Variants in ZFYVE9 observed in about 807,000 individuals in gnomAD.
ZFYVE9 encodes zinc finger FYVE-type containing 9.
A neutral mutation model predicts 126.7 loss-of-function variants in ZFYVE9; 43 were observed. That is an observed-to-expected ratio of 0.34 (90% CI 0.27 to 0.44). ZFYVE9 has a LOEUF of 0.44. Among genes scored for constraint, ZFYVE9 ranks in the 20% least tolerant of loss-of-function variants. ZFYVE9 has a pLI of 1.00. For missense variants in ZFYVE9, 1,476 were observed against 1,697.0 expected (o/e 0.87, Z 2.29); for synonymous variants, 521 against 597.4 (o/e 0.87, Z 1.87).
rs538171138 is a variant in ZFYVE9, at chr1:52,172,590, G to A, written c.-143+30187G>A. On this transcript the variant is annotated intron_variant, in intron 1 of 18. Transcript: ENST00000287727. ...GCATTGAATCTATAAATTACCTTGG[G>A]CAGTATGGCCATTTTCACGGTATTG... Among the ~76,000 whole-genome samples, 10 of 152,266 alleles carry A rather than the reference G, an allele frequency of 6.6e-5. No individual in the cohort carries two copies. The East Asian group carries it at 1.7e-3, about 26-fold the overall frequency.
At chr1:52,300,612 T>C (rs1557508763) in intron 12 of ZFYVE9, among the ~76,000 whole-genome samples, 1 of 149,140 alleles carries the variant, frequency 6.7e-6, no homozygotes, top group Non-Finnish European at 1.5e-5. Flanking sequence ...AAAAAAAATC[T>C]TGTAGATTTA....
chr1:52,309,985 A>G (rs1646123134), intron 13 of ZFYVE9, among the ~76,000 whole-genome samples: 1 of 152,004 alleles, frequency 6.6e-6, no homozygotes, highest in Admixed American at 6.5e-5. Flanking sequence ...TTTTTTTGAG[A>G]CAGAGTCTTG....
At chr1:52,193,494 G>A (rs1426029104) in intron 1 of ZFYVE9, among the ~76,000 whole-genome samples, 2 of 151,052 alleles carry the variant, frequency 1.3e-5, no homozygotes, top group African/African-American at 2.4e-5. Flanking sequence ...ATCACCTGAG[G>A]TCAGGAGATC....
intron 2 of ZFYVE9, among the ~76,000 whole-genome samples, chr1:52,230,462 A>C (rs913257770): frequency 1.3e-5 from 2 of 151,784 alleles, no homozygotes; most frequent in African/African-American, 4.8e-5. Flanking sequence ...TAGGTGCAGC[A>C]GACCACCACA....
chr1:52,148,453 A>T (rs1346089707), intron 1 of ZFYVE9, among the ~76,000 whole-genome samples: 2 of 151,232 alleles, frequency 1.3e-5, no homozygotes, highest in African/African-American at 4.9e-5. Flanking sequence ...GCACCATTGC[A>T]CTCCAGCCTG....
At chr1:52,152,762 A>G (rs1371276942) in intron 1 of ZFYVE9, among the ~76,000 whole-genome samples, 1 of 152,212 alleles carries the variant, frequency 6.6e-6, no homozygotes, top group Non-Finnish European at 1.5e-5. Flanking sequence ...GTAAAATGGG[A>G]CTAACAATAA....
At position 52,145,106 on chromosome 1, in the gene ZFYVE9, G is replaced by C. The variant is rs547797829; in HGVS notation, c.-143+2703G>C. On this transcript the variant is annotated intron_variant, in intron 1 of 18. Transcript: ENST00000287727. ...GGAACGTGCTAAATCTCTGTTTAAG[G>C]CTTCTGTGTCTCATCTTGCCGTTTA... Among the ~76,000 whole-genome samples, 13 of 152,258 alleles carry C rather than the reference G, an allele frequency of 8.5e-5. No individual in the cohort carries two copies. In the South Asian group the frequency reaches 2.5e-3, roughly 29 times the overall value.
At chr1:52,315,120 C>T (rs1228179412) in intron 13 of ZFYVE9, among the ~76,000 whole-genome samples, 2 of 152,074 alleles carry the variant, frequency 1.3e-5, no homozygotes, top group African/African-American at 2.4e-5. Context: ...TTTTAAAAGA[C>T]AATTAACTGT....
chr1:52,261,482 G>A (rs907638672), intron 4 of ZFYVE9, among the ~76,000 whole-genome samples: 10 of 152,074 alleles, frequency 6.6e-5, no homozygotes, highest in Non-Finnish European at 1.3e-4. Flanking sequence ...GACCATGTCC[G>A]TTTTGTTTTC....
chr1:52,240,881 T>C (rs1262797868), intron 4 of ZFYVE9, among the ~76,000 whole-genome samples: 1 of 152,144 alleles, frequency 6.6e-6, no homozygotes, highest in African/African-American at 2.4e-5. Flanking sequence ...TAATCAATCA[T>C]GATTTATCTC....
chr1:52,153,129 T>A (rs1162611876), intron 1 of ZFYVE9, among the ~76,000 whole-genome samples: 1 of 152,180 alleles, frequency 6.6e-6, no homozygotes, highest in Non-Finnish European at 1.5e-5. Context: ...CTGAGATGAA[T>A]TCTGAACATG....
chr1:52,322,792 T>TTATCTCTG (rs1450501423), intron 13 of ZFYVE9, among the ~76,000 whole-genome samples: 1 of 151,950 alleles, frequency 6.6e-6, no homozygotes, highest in East Asian at 1.9e-4. Context: ...TCTCGACTCA[T>TTATCTCTG]TATCTCTGTG....
In ZFYVE9 at chr1:52,239,072, GT is replaced by G; in HGVS notation, c.1656del (p.Gln553LysfsTer13). The G allele has an allele frequency of 6.2e-7, 1 of 1,614,088 alleles. No individual in the cohort carries two copies. On this transcript the variant is annotated frameshift_variant, in exon 4 of 19. Transcript: ENST00000287727. LOFTEE classifies it high-confidence loss of function. ...AAAAATTATTTACATAATTTCTGTA[GT>G]CAAGTTCCATCAGTGCTTGGGCAAT... is the stretch of plus-strand genomic sequence containing the variant. ...MKKNYLHNFCSQVPSVLGQSS... is the reference protein window; with the variant it reads ...MKKNYLHNFCXQVPSVLGQSS...
At chr1:52,158,616 A>T (rs1235546683) in intron 1 of ZFYVE9, among the ~76,000 whole-genome samples, 1 of 152,128 alleles carries the variant, frequency 6.6e-6, no homozygotes, top group Non-Finnish European at 1.5e-5. Context: ...AGCCACCGTG[A>T]AGCAGTGGTC....
chr1:52,253,989 C>G (rs1645478074), intron 4 of ZFYVE9: 2 of 791,948 alleles, frequency 2.5e-6, no homozygotes, highest in Non-Finnish European at 4.6e-6. Context: ...TTCATATTCC[C>G]TTAACTGATA....
rs530156110 is a variant in ZFYVE9 at position 52,305,619 on chromosome 1, G to A, written c.3438+1694G>A. On this transcript the variant is annotated intron_variant, in intron 13 of 18. Transcript: ENST00000287727. ...GACAAGTGGGAGCCCCACCCCTTCC[G>A]AGTTGGTGGGGTGGGCCTCCCAAGG... Among the ~76,000 whole-genome samples, 22 of 152,192 alleles carry A rather than the reference G, an allele frequency of 1.4e-4. No homozygotes were observed. In the South Asian group the frequency reaches 3.7e-3, roughly 26 times the overall value.
chr1:52,177,929 A>G (rs1010732964), intron 1 of ZFYVE9, among the ~76,000 whole-genome samples: 1 of 151,422 alleles, frequency 6.6e-6, no homozygotes, highest in South Asian at 2.1e-4. Context: ...TTCATATACT[A>G]TGAAAAGTAG....
intron 16 of ZFYVE9, 25 bp downstream of exon 16, chr1:52,337,959 T>A: frequency 1.2e-6 from 2 of 1,608,532 alleles, no homozygotes; most frequent in Non-Finnish European, 1.7e-6. Flanking sequence ...TGTCCCCCTT[T>A]GTGGCTTTTA....
At chr1:52,342,943 G>A (rs1378063427) in intron 17 of ZFYVE9, among the ~76,000 whole-genome samples, 1 of 150,208 alleles carries the variant, frequency 6.7e-6, no homozygotes, top group Non-Finnish European at 1.5e-5. Context: ...GTCTCACTCT[G>A]TCACCCAGGC....
Sources: allele counts gnomAD v4.1 joint callset (sites outside exome capture counted in the v4.1 genomes callset), GRCh38; gene constraint gnomAD v4.1.1; transcripts MANE v1.5; gene names NCBI Gene and HGNC (gene_info 2026-07-23, HGNC 2026-07-21).